Variants in ARMC9 observed in about 807,000 individuals in gnomAD.
ARMC9 encodes the protein armadillo repeat containing 9.
In ARMC9, 94 loss-of-function variants were observed where a neutral mutation model predicts 107.0. The observed-to-expected ratio is 0.88, with a 90% confidence interval of 0.74 to 1.04. The LOEUF (loss-of-function observed/expected upper bound fraction) is 1.04, where lower values mean the gene tolerates loss of function less well. ARMC9 is among the 50% of genes least tolerant of loss of function. ARMC9 has a pLI of 0.00. For missense variants in ARMC9, 942 were observed against 1,030.1 expected, an observed-to-expected ratio of 0.91 and a Z score of 1.17; for synonymous variants, 380 against 396.9, an observed-to-expected ratio of 0.96 and a Z score of 0.51.
chr2:231,245,456 C>T (rs1172874130), intron 9 of ARMC9, among the ~76,000 whole-genome samples: 1 of 152,202 alleles, frequency 6.6e-6, no homozygotes, highest in African/African-American at 2.4e-5. Context: ...TATTGAAAGT[C>T]AGCCCTGGGC....
At chr2:231,257,347 T>C (rs2037925308) in intron 10 of ARMC9, among the ~76,000 whole-genome samples, 1 of 152,228 alleles carries the variant, frequency 6.6e-6, no homozygotes, top group Admixed American at 6.5e-5. Context: ...GCTGTCCCCC[T>C]TACGAGTGTC....
rs767394707 is a variant in ARMC9 at position 231,360,834 on chromosome 2, C to A, written c.2212C>A (p.Arg738Ser). 10 of 1,535,928 alleles carry A rather than the reference C, an allele frequency of 6.5e-6. No individual in the cohort carries two copies. The African/African-American group carries it at 8.2e-5, about 13-fold the overall frequency. Residue 738 changes from arginine to serine, a missense_variant, in exon 23 of 25, where the codon CGC becomes AGC. Physicochemically the swap from Arg to Ser is moderately radical, Grantham distance 110. Coordinates refer to ENST00000611582, the MANE Select transcript of ARMC9 (RefSeq NM_001352754.2). This position sits in a 1 kb window ranked among gnomAD's most constrained non-coding sequence, Gnocchi z 4.7. ...EPRPAPTGTPRQPREAPQDPG... is the reference protein window; with the variant it reads ...EPRPAPTGTPSQPREAPQDPG... ...TCGCCCAGCCCCCACGGGGACCCCC[C>A]GCCAGCCAAGGGAGGCGCCCCAGGA... is the stretch of plus-strand genomic sequence containing the variant.
At chr2:231,272,552 C>T (rs920436032) in intron 13 of ARMC9, among the ~76,000 whole-genome samples, 7 of 149,776 alleles carry the variant, frequency 4.7e-5, no homozygotes, top group Non-Finnish European at 7.4e-5. Context: ...AGTCTCGCTC[C>T]GTCATTCAGG....
intron 1 of ARMC9, among the ~76,000 whole-genome samples, chr2:231,204,200 A>ACAT (rs2031594093): frequency 6.8e-6 from 1 of 146,968 alleles, no homozygotes; most frequent in Admixed American, 6.8e-5. Context: ...AAAAAAAAGG[A>ACAT]CATCAGTGGT....
chr2:231,268,063 C>G (rs933554781), intron 12 of ARMC9, among the ~76,000 whole-genome samples: 1 of 152,126 alleles, frequency 6.6e-6, no homozygotes. Context: ...GGGTGAATAT[C>G]ACAGACATAT....
chr2:231,329,554 C>T (rs994969600), intron 19 of ARMC9, among the ~76,000 whole-genome samples: 1 of 152,250 alleles, frequency 6.6e-6, no homozygotes. Flanking sequence ...GGTGATCCGC[C>T]CATCTCAGCC....
Position 231,369,975 on chromosome 2 carries a change from T to C in ARMC9, c.2284T>C (p.Cys762Arg). 6.6e-7 allele frequency: 1 copy of C among 1,525,868 alleles called. No individual in the cohort carries two copies. Among genetic ancestry groups the C allele is most frequent in the Non-Finnish European group, 8.8e-7 (1 of 1,140,394 alleles). 94.5% of individuals were successfully genotyped at this position (1,525,868 alleles called of 1,614,324 possible). A position where few individuals can be genotyped will look rare whatever the true frequency, so the allele number is the denominator to read the frequency against. ...TAGGGAATGTGCATCAGCCTTCACC[T>C]GCAAGCCCCGGGCCCCCTGCACTCC... ...TTRECASAFT[C>R]KPRAPCTPEM... The change falls in exon 24 of 25, where the codon TGC becomes CGC. Residue 762 changes from cysteine (C) to arginine (R), a missense_variant. Physicochemically the swap from Cys to Arg is radical, Grantham distance 180. Transcript: ENST00000611582.
intron 12 of ARMC9, among the ~76,000 whole-genome samples, chr2:231,270,157 G>A (rs1003201434): frequency 4.6e-5 from 7 of 152,138 alleles, no homozygotes; most frequent in Non-Finnish European, 8.8e-5. Context: ...TGGTTGCCAG[G>A]GTCCTGGGAG....
intron 17 of ARMC9, chr2:231,288,815 CCAGACTTGGGA>C: frequency 4.7e-6 from 2 of 424,312 alleles, no homozygotes. Flanking sequence ...CAGTATCACT[CCAGACTTGGGA>C]CTTTCACCTA....
chr2:231,249,041 A>C (rs2125390291), intron 9 of ARMC9, among the ~76,000 whole-genome samples: 1 of 152,268 alleles, frequency 6.6e-6, no homozygotes, highest in African/African-American at 2.4e-5. Context: ...AGTCCAGGTG[A>C]GTAGGGAGAG....
At chr2:231,220,909 G>T (rs2034058922) in intron 5 of ARMC9, among the ~76,000 whole-genome samples, 2 of 152,218 alleles carry the variant, frequency 1.3e-5, no homozygotes, top group Admixed American at 1.3e-4. Context: ...CTGGAAGTCT[G>T]TATGTCCCAA....
intron 17 of ARMC9, among the ~76,000 whole-genome samples, chr2:231,288,319 A>G (rs976737808): frequency 6.6e-6 from 1 of 152,180 alleles, no homozygotes; most frequent in African/African-American, 2.4e-5. Context: ...ATACTTCAGA[A>G]TGTTCCCAAT....
chr2:231,232,276 G>A (rs1200470289), intron 7 of ARMC9, among the ~76,000 whole-genome samples: 5 of 151,702 alleles, frequency 3.3e-5, no homozygotes, highest in Non-Finnish European at 7.4e-5. Flanking sequence ...CACCCGCCTC[G>A]GCCTCCCAAA....
intron 7 of ARMC9, among the ~76,000 whole-genome samples, chr2:231,232,301 G>A (rs2035307911): frequency 6.6e-6 from 1 of 152,070 alleles, no homozygotes; most frequent in South Asian, 2.1e-4. Flanking sequence ...TGGGATTACA[G>A]GAGTGAGCCA....
chr2:231,363,041 G>C (rs533666162), intron 23 of ARMC9, among the ~76,000 whole-genome samples: 4 of 152,276 alleles, frequency 2.6e-5, no homozygotes, highest in African/African-American at 9.6e-5. Flanking sequence ...TACGGGGAAT[G>C]CAGGGCTGCA....
intron 3 of ARMC9, among the ~76,000 whole-genome samples, chr2:231,212,183 G>T (rs770858373): frequency 1.3e-5 from 2 of 152,166 alleles, no homozygotes; most frequent in African/African-American, 2.4e-5. Flanking sequence ...GTGTCTACAA[G>T]TTACTATTGA....
chr2:231,328,117 T>A (rs532324274), intron 19 of ARMC9, among the ~76,000 whole-genome samples: 16 of 152,290 alleles, frequency 1.1e-4, no homozygotes, highest in African/African-American at 3.6e-4. Flanking sequence ...TGTAGTGATA[T>A]CTCATTGTGG....
chr2:231,221,382 C>T (rs896081107), intron 5 of ARMC9, among the ~76,000 whole-genome samples: 12 of 152,272 alleles, frequency 7.9e-5, no homozygotes, highest in South Asian at 4.1e-4. Context: ...ACATCTGCAA[C>T]GACCCCATTC....
intron 18 of ARMC9, among the ~76,000 whole-genome samples, chr2:231,292,110 G>A (rs1559416179): frequency 6.6e-6 from 1 of 150,956 alleles, no homozygotes; most frequent in Admixed American, 6.6e-5. Context: ...GGAGGTTGTA[G>A]TGAGCCGAGA....
Sources: gnomAD v4.1 joint callset for allele counts (sites outside exome capture counted in the v4.1 genomes callset) on GRCh38, gnomAD v4.1.1 for gene constraint, Gnocchi (gnomAD v3.1) non-coding constraint, MANE v1.5 for transcripts, NCBI Gene and HGNC (gene_info 2026-07-23, HGNC 2026-07-21) for gene names.